The following MIR2052HG variants were observed in gnomAD, a reference collection of about 807,000 sequenced individuals.
MIR2052HG encodes MIR2052 host gene.
At chr8:74,727,379 A>G (rs1192017447) in intron 4 of MIR2052HG, among the ~76,000 whole-genome samples, 1 of 152,230 alleles carries the variant, frequency 6.6e-6, no homozygotes, top group Non-Finnish European at 1.5e-5. Flanking sequence ...ATGATTGCAC[A>G]TTAACTAATT....
chr8:74,704,035 C>T (rs1489514107), intron 4 of MIR2052HG, among the ~76,000 whole-genome samples: 1 of 151,828 alleles, frequency 6.6e-6, no homozygotes, highest in Non-Finnish European at 1.5e-5. Flanking sequence ...AGGGTGGTAA[C>T]TCTTTTGAGG....
At chr8:74,679,417 C>T (rs1586911875) in intron 2 of MIR2052HG, among the ~76,000 whole-genome samples, 1 of 151,942 alleles carries the variant, frequency 6.6e-6, no homozygotes, top group East Asian at 1.9e-4. Flanking sequence ...CTACGAGTGC[C>T]ATTATTTCAT....
chr8:74,609,270 G>A (rs12234939), intron 1 of MIR2052HG, among the ~76,000 whole-genome samples: 40,226 of 151,798 alleles, frequency 0.26, 5,945 homozygotes, highest in East Asian at 0.57. Context: ...AACCTGAATA[G>A]TCCCATATTT....
intron 1 of MIR2052HG, chr8:74,603,763 T>G (rs1222561868): frequency 1.2e-6 from 1 of 846,486 alleles, no homozygotes; most frequent in Non-Finnish European, 2.1e-6. Flanking sequence ...CACACAGATC[T>G]GTTTGACACA....
chr8:74,745,687 T>G (rs1809877704), intron 4 of MIR2052HG, among the ~76,000 whole-genome samples: 1 of 152,200 alleles, frequency 6.6e-6, no homozygotes. Flanking sequence ...TTGAATCTTA[T>G]GAAGGAAAAG....
chr8:74,696,993 C>T (rs781705273), intron 2 of MIR2052HG, among the ~76,000 whole-genome samples: 13 of 151,954 alleles, frequency 8.6e-5, no homozygotes, highest in East Asian at 3.9e-4. Flanking sequence ...TCATTATCAC[C>T]GTAACACCAA....
intron 4 of MIR2052HG, among the ~76,000 whole-genome samples, chr8:74,704,431 A>G (rs1809388148): frequency 6.6e-6 from 1 of 152,064 alleles, no homozygotes; most frequent in Admixed American, 6.6e-5. Flanking sequence ...TAAAACTATG[A>G]TCTCCTGGGA....
At chr8:74,631,707 A>G (rs1197213166) in intron 2 of MIR2052HG, among the ~76,000 whole-genome samples, 2 of 152,178 alleles carry the variant, frequency 1.3e-5, no homozygotes, top group Non-Finnish European at 2.9e-5. Flanking sequence ...TTTATCAATG[A>G]CAGAAATTTA....
chr8:74,621,495 A>C (rs1808360824), intron 2 of MIR2052HG, among the ~76,000 whole-genome samples: 2 of 152,214 alleles, frequency 1.3e-5, no homozygotes, highest in South Asian at 4.1e-4. Flanking sequence ...GGAAACTTTC[A>C]ATAATGGCAG....
chr8:74,639,305 T>C (rs1049992967), intron 2 of MIR2052HG, among the ~76,000 whole-genome samples: 1 of 152,220 alleles, frequency 6.6e-6, no homozygotes, highest in Non-Finnish European at 1.5e-5. Context: ...AAAAATCTTT[T>C]TGATCCTCCA....
chr8:74,704,311 C>T (rs1373853463), intron 4 of MIR2052HG, among the ~76,000 whole-genome samples: 1 of 151,958 alleles, frequency 6.6e-6, no homozygotes, highest in Non-Finnish European at 1.5e-5. Flanking sequence ...GACAGTGCAT[C>T]TTGAGGAAGT....
At chr8:74,745,986 T>A (rs1809881394) in intron 4 of MIR2052HG, among the ~76,000 whole-genome samples, 1 of 152,134 alleles carries the variant, frequency 6.6e-6, no homozygotes, top group South Asian at 2.1e-4. Context: ...GGCACTGGCT[T>A]TACTTGCTCA....
intron 4 of MIR2052HG, among the ~76,000 whole-genome samples, chr8:74,708,393 A>G (rs562122120): frequency 2.5e-4 from 38 of 152,288 alleles, no homozygotes; most frequent in African/African-American, 8.7e-4. Context: ...CCAAACCAGC[A>G]TGCTTGGGCA....
At chr8:74,686,556 C>T (rs1327513611) in intron 2 of MIR2052HG, among the ~76,000 whole-genome samples, 1 of 152,054 alleles carries the variant, frequency 6.6e-6, no homozygotes, top group Non-Finnish European at 1.5e-5. Flanking sequence ...AGCCTGTCAG[C>T]ACTTGAATGA....
intron 4 of MIR2052HG, among the ~76,000 whole-genome samples, chr8:74,722,432 T>C (rs1283017595): frequency 2.0e-5 from 3 of 152,252 alleles, no homozygotes; most frequent in Non-Finnish European, 4.4e-5. Flanking sequence ...TGAAAGATAT[T>C]TATGACTATG....
chr8:74,726,096 G>A (rs1809632809), intron 4 of MIR2052HG, among the ~76,000 whole-genome samples: 1 of 152,270 alleles, frequency 6.6e-6, no homozygotes, highest in Non-Finnish European at 1.5e-5. Flanking sequence ...GGGAGGCTGA[G>A]GCAGGAGAAA....
chr8:74,627,194 C>T (rs888056934), intron 2 of MIR2052HG, among the ~76,000 whole-genome samples: 1 of 152,230 alleles, frequency 6.6e-6, no homozygotes, highest in African/African-American at 2.4e-5. Context: ...ACCTTTCCTT[C>T]AGGACACATT....
intron 5 of MIR2052HG, among the ~76,000 whole-genome samples, chr8:74,753,096 C>T (rs1482425693): frequency 3.3e-5 from 5 of 152,284 alleles, no homozygotes; most frequent in South Asian, 2.1e-4. Context: ...TTCAGAAATA[C>T]GAGTTTACTA....
At chr8:74,644,817 G>T (rs1206508029) in intron 2 of MIR2052HG, among the ~76,000 whole-genome samples, 2 of 152,048 alleles carry the variant, frequency 1.3e-5, no homozygotes, top group East Asian at 3.9e-4. Context: ...TTTGAGCCCA[G>T]GAGGTTGAGG....
Sources: gnomAD v4.1 joint callset for allele counts (sites outside exome capture counted in the v4.1 genomes callset) on GRCh38, gnomAD v4.1.1 for gene constraint, MANE v1.5 for transcripts, NCBI Gene and HGNC (gene_info 2026-07-23, HGNC 2026-07-21) for gene names.